ST6GAL1: variants seen among roughly 807,000 people sequenced by gnomAD.
The protein encoded by ST6GAL1 is ST6 beta-galactoside alpha-2,6-sialyltransferase 1.
ST6GAL1 carries 20 observed loss-of-function variants against 38.0 expected under a neutral mutation model. That is an observed-to-expected ratio of 0.53 (90% CI 0.37 to 0.77). ST6GAL1 has a LOEUF of 0.77. ST6GAL1 is among the 30% of genes least tolerant of loss of function. The probability of loss-of-function intolerance (pLI) is 0.00; values close to 1 mark genes in which losing one functional copy is unlikely to be tolerated. For missense variants in ST6GAL1, 432 were observed against 496.4 expected (o/e 0.87, Z 1.23); for synonymous variants, 196 against 188.2 (o/e 1.04, Z -0.34).
intron 2 of ST6GAL1, among the ~76,000 whole-genome samples, chr3:186,995,892 C>T (rs1422917868): frequency 1.3e-5 from 2 of 152,038 alleles, no homozygotes; most frequent in African/African-American, 2.4e-5. Context: ...AATAACTTCC[C>T]ACGGGCGGGG....
chr3:186,997,116 T>A (rs2108550081), intron 2 of ST6GAL1, among the ~76,000 whole-genome samples: 1 of 152,074 alleles, frequency 6.6e-6, no homozygotes, highest in African/African-American at 2.4e-5. Flanking sequence ...AGTTAAGTAA[T>A]AATATAATAT....
At chr3:187,048,144 T>C (rs568755423) in intron 4 of ST6GAL1, among the ~76,000 whole-genome samples, 50 of 152,096 alleles carry the variant, frequency 3.3e-4, no homozygotes, top group South Asian at 2.5e-3. Context: ...GAGGTTTCAC[T>C]GTGTTAGCCA....
At position 187,075,656 on chromosome 3, in the gene ST6GAL1, GTTC is replaced by G; in HGVS notation, c.1078_1080del (p.Phe360del). 1 of 1,614,168 alleles carries G rather than the reference GTTC, an allele frequency of 6.2e-7. No individual in the cohort carries two copies. Among genetic ancestry groups the G allele is most frequent in the Non-Finnish European group, 8.5e-7 (1 of 1,180,018 alleles). The stretch of plus-strand genomic sequence containing the variant: ...CTGACGTGTGCTACTACTACCAGAA[GTTC>G]TTCGATAGTGCCTGCACGATGGGTG... On this transcript the variant is annotated inframe_deletion, in exon 8 of 8. Coordinates refer to ENST00000169298, the MANE Select transcript of ST6GAL1 (RefSeq NM_173216.2). This position sits in a 1 kb window ranked among gnomAD's most constrained non-coding sequence, Gnocchi z 4.1.
chr3:187,039,556 G>C (rs1436214598), intron 3 of ST6GAL1, among the ~76,000 whole-genome samples: 1 of 152,192 alleles, frequency 6.6e-6, no homozygotes, highest in Admixed American at 6.5e-5. Context: ...GTCAGAGCTG[G>C]CAGGCACATG....
chr3:187,071,996 G>T (rs1218394690), intron 5 of ST6GAL1: 1 of 152,026 alleles, frequency 6.6e-6, no homozygotes, highest in African/African-American at 2.4e-5. Flanking sequence ...TCTTAGGATA[G>T]ATTCCTAAAC....
chr3:187,074,103 G>A, intron 6 of ST6GAL1, 56 bp from the exon 7 acceptor site: 2 of 1,496,544 alleles, frequency 1.3e-6, no homozygotes, highest in Non-Finnish European at 9.0e-7. Flanking sequence ...GACTCCTGGG[G>A]GGAGCAGCTC....
In ST6GAL1 at chr3:187,075,985, T is replaced by C. The variant is rs1427628823; in HGVS notation, c.*182T>C. The C allele has an allele frequency of 1.1e-5, 10 of 880,840 alleles. No homozygotes were observed. The highest frequency in any genetic ancestry group is 1.7e-5 in the Non-Finnish European group (10 of 596,552). The allele number at this position is 880,840 out of a possible 1,614,324, so 54.6% of individuals were successfully genotyped here. A position where few individuals can be genotyped will look rare whatever the true frequency, so the allele number is the denominator to read the frequency against. The stretch of plus-strand genomic sequence containing the variant: ...AGGAAATCAGGTCCAGCCTTCCCTG[T>C]AGCCAGACAGTTTATGAGCCCAGAG... On this transcript the variant is annotated 3_prime_UTR_variant, in exon 8 of 8. Transcript: ENST00000169298. The surrounding 1 kb of genome is among the most constrained non-coding windows in gnomAD (Gnocchi z 4.1).
chr3:187,021,384 C>T (rs1216860956), intron 2 of ST6GAL1, among the ~76,000 whole-genome samples: 1 of 152,180 alleles, frequency 6.6e-6, no homozygotes, highest in Non-Finnish European at 1.5e-5. Context: ...TCTCTCCTGC[C>T]GTCCTTTCAC....
At chr3:187,029,203 G>T (rs2108571165) in intron 2 of ST6GAL1, among the ~76,000 whole-genome samples, 1 of 152,250 alleles carries the variant, frequency 6.6e-6, no homozygotes, top group East Asian at 1.9e-4. Flanking sequence ...TCAGGTCACG[G>T]CTGCTTGACT....
At chr3:186,977,256 C>A (rs1323556537) in intron 2 of ST6GAL1, among the ~76,000 whole-genome samples, 1 of 152,156 alleles carries the variant, frequency 6.6e-6, no homozygotes, top group Non-Finnish European at 1.5e-5. Flanking sequence ...GCTTCTCCCC[C>A]ATTTCTTTGC....
intron 2 of ST6GAL1, among the ~76,000 whole-genome samples, chr3:187,001,068 A>T (rs1229248175): frequency 6.6e-6 from 1 of 152,222 alleles, no homozygotes; most frequent in African/African-American, 2.4e-5. Flanking sequence ...TTCTTTGCAG[A>T]TGAATGGTGA....
intron 2 of ST6GAL1, among the ~76,000 whole-genome samples, chr3:187,009,241 T>C (rs7632665): frequency 0.085 from 12,937 of 152,134 alleles, 936 homozygotes; most frequent in African/African-American, 0.2. Context: ...AAAAAAACTT[T>C]TAAGTTTTTA....
At chr3:186,964,870 TCC>T (rs1203129269) in intron 2 of ST6GAL1, among the ~76,000 whole-genome samples, 1 of 152,146 alleles carries the variant, frequency 6.6e-6, no homozygotes, top group African/African-American at 2.4e-5. Context: ...CCCTATGCAT[TCC>T]TTCATTTCCT....
intron 1 of ST6GAL1, among the ~76,000 whole-genome samples, chr3:186,936,236 A>G (rs775311868): frequency 2.6e-5 from 4 of 152,208 alleles, no homozygotes; most frequent in Non-Finnish European, 5.9e-5. Flanking sequence ...TACAAGAGGG[A>G]AGGCTTCAGA....
intron 2 of ST6GAL1, among the ~76,000 whole-genome samples, chr3:187,032,861 T>C (rs1717800177): frequency 6.6e-6 from 1 of 152,166 alleles, no homozygotes; most frequent in Non-Finnish European, 1.5e-5. Context: ...CCTGCCTGCC[T>C]TCCTCCTGGT....
At chr3:187,056,951 G>C (rs1487167034) in intron 5 of ST6GAL1, among the ~76,000 whole-genome samples, 9 of 152,176 alleles carry the variant, frequency 5.9e-5, no homozygotes, top group Non-Finnish European at 1.0e-4. Flanking sequence ...GTGAAACGTA[G>C]ATTTGGTCTT....
intron 2 of ST6GAL1, among the ~76,000 whole-genome samples, chr3:187,005,492 G>T (rs189814178): frequency 1.4e-4 from 22 of 151,970 alleles, no homozygotes; most frequent in African/African-American, 5.3e-4. Flanking sequence ...AGCCAGGATG[G>T]TCTCGATCTC....
chr3:187,050,452 A>G (rs929106335), intron 4 of ST6GAL1, among the ~76,000 whole-genome samples: 5 of 151,862 alleles, frequency 3.3e-5, no homozygotes, highest in African/African-American at 1.2e-4. Context: ...GAGCTAGCCC[A>G]GGAAGCTTTT....
At chr3:186,936,175 G>C (rs925505999) in intron 1 of ST6GAL1, among the ~76,000 whole-genome samples, 4 of 152,138 alleles carry the variant, frequency 2.6e-5, no homozygotes, top group African/African-American at 9.7e-5. Context: ...TGACCTCTGG[G>C]GTCCCCTTCT....
Sources: gnomAD v4.1 joint callset for allele counts (sites outside exome capture counted in the v4.1 genomes callset) on GRCh38, gnomAD v4.1.1 for gene constraint, Gnocchi (gnomAD v3.1) non-coding constraint, MANE v1.5 for transcripts, NCBI Gene and HGNC (gene_info 2026-07-23, HGNC 2026-07-21) for gene names.